The following GNAL variants were observed in gnomAD, a reference collection of about 807,000 sequenced individuals.
The protein encoded by GNAL is guanine nucleotide-binding protein G(olf) subunit alpha.
In GNAL, 18 loss-of-function variants were observed where a neutral mutation model predicts 55.1. The observed-to-expected ratio is 0.33, with a 90% confidence interval of 0.23 to 0.48. The LOEUF (loss-of-function observed/expected upper bound fraction) is 0.48. Among genes scored for constraint, GNAL ranks in the 20% least tolerant of loss-of-function variants. The pLI, the probability that GNAL is intolerant of heterozygous loss-of-function variation, is 0.99. For missense variants in GNAL, 412 were observed against 614.1 expected, an observed-to-expected ratio of 0.67 and a Z score of 3.48; for synonymous variants, 253 against 237.0, an observed-to-expected ratio of 1.07 and a Z score of -0.62.
intron 4 of GNAL, among the ~76,000 whole-genome samples, chr18:11,811,188 T>C (rs1192490258): frequency 1.3e-5 from 2 of 152,154 alleles, no homozygotes; most frequent in Non-Finnish European, 2.9e-5. Flanking sequence ...CAAAGGAGCC[T>C]CCTGGACCGT....
intron 1 of GNAL, among the ~76,000 whole-genome samples, chr18:11,714,472 A>C (rs1002258694): frequency 6.6e-6 from 1 of 152,198 alleles, no homozygotes; most frequent in Non-Finnish European, 1.5e-5. Context: ...AGGTATGTTA[A>C]TTATGCGTTT....
intron 4 of GNAL, among the ~76,000 whole-genome samples, chr18:11,758,297 A>T (rs750476570): frequency 6.6e-6 from 1 of 152,180 alleles, no homozygotes; most frequent in Non-Finnish European, 1.5e-5. Flanking sequence ...AAATTGTGAA[A>T]GCAAATTGGT....
intron 4 of GNAL, among the ~76,000 whole-genome samples, chr18:11,818,338 T>A (rs2035011205): frequency 6.6e-6 from 1 of 152,220 alleles, no homozygotes; most frequent in Non-Finnish European, 1.5e-5. Context: ...TACTAGCTCA[T>A]TCTGTTATCC....
intron 4 of GNAL, chr18:11,810,500 A>T (rs1442387562): frequency 6.6e-6 from 1 of 152,268 alleles, no homozygotes; most frequent in Admixed American, 6.5e-5. Flanking sequence ...AGGCCTGCAC[A>T]TTGCCTGGCA....
At chr18:11,755,954 A>G (rs754103253) in intron 4 of GNAL, among the ~76,000 whole-genome samples, 1 of 152,228 alleles carries the variant, frequency 6.6e-6, no homozygotes, top group Non-Finnish European at 1.5e-5. Flanking sequence ...AGATTTAGAC[A>G]TTTATAGAAA....
intron 4 of GNAL, among the ~76,000 whole-genome samples, chr18:11,822,294 C>T (rs999093160): frequency 6.6e-6 from 1 of 152,172 alleles, no homozygotes; most frequent in Non-Finnish European, 1.5e-5. Flanking sequence ...ACCGCCAAAT[C>T]TCAAAACAAA....
At chr18:11,863,588 C>T (rs888708361) in intron 6 of GNAL, among the ~76,000 whole-genome samples, 1 of 152,186 alleles carries the variant, frequency 6.6e-6, no homozygotes, top group Non-Finnish European at 1.5e-5. Flanking sequence ...GGACCACCTC[C>T]CATGTTCCAG....
intron 1 of GNAL, among the ~76,000 whole-genome samples, chr18:11,707,534 A>G (rs2031741673): frequency 6.6e-6 from 1 of 152,224 alleles, no homozygotes; most frequent in South Asian, 2.1e-4. Flanking sequence ...ATAGAGCACA[A>G]GCAAAGCAAA....
chr18:11,728,252 C>A, intron 1 of GNAL, among the ~76,000 whole-genome samples: 1 of 150,208 alleles, frequency 6.7e-6, no homozygotes, highest in East Asian at 2.0e-4. Flanking sequence ...ATACATAGCT[C>A]AAAATGGTAG....
In GNAL at chr18:11,752,192, C is replaced by T. The variant is rs754842768; in HGVS notation, c.377-661C>T. The T allele has an allele frequency of 8.8e-5, 50 of 569,612 alleles. No homozygotes were observed. Among genetic ancestry groups the T allele is most frequent in the Non-Finnish European group, 1.3e-4 (48 of 372,004 alleles). 35.3% of individuals were successfully genotyped at this position (569,612 alleles called of 1,614,324 possible). ...TCATCCAGCAGATTTTGAAACAATT[C>T]TCGTGTAAAAAGGCATTTTACTCCG... On this transcript the variant is annotated intron_variant, in intron 1 of 11. Coordinates refer to ENST00000334049, the MANE Select transcript of GNAL (RefSeq NM_182978.4). The surrounding 1 kb of genome is among the most constrained non-coding windows in gnomAD (Gnocchi z 4.5).
intron 4 of GNAL, among the ~76,000 whole-genome samples, chr18:11,776,725 A>G (rs1216287541): frequency 6.6e-6 from 1 of 151,670 alleles, no homozygotes; most frequent in Non-Finnish European, 1.5e-5. Flanking sequence ...AAAAAAAAAA[A>G]AAAAGAATTT....
At chr18:11,857,674 G>C (rs1280042809) in intron 5 of GNAL, 1 of 984,224 alleles carries the variant, frequency 1.0e-6, no homozygotes, top group African/African-American at 1.7e-5. Flanking sequence ...ACATGCTGAC[G>C]CAGTGGGTCT....
chr18:11,838,771 C>T (rs2035550659), intron 5 of GNAL, among the ~76,000 whole-genome samples: 1 of 152,048 alleles, frequency 6.6e-6, no homozygotes, highest in South Asian at 2.1e-4. Context: ...CTTACTTTGT[C>T]TTTTTAAAAA....
At chr18:11,824,894 AT>A (rs1296700134) in intron 4 of GNAL, 23 bp from the exon 5 acceptor site, 1 of 1,311,720 alleles carries the variant, frequency 7.6e-7, no homozygotes, top group African/African-American at 1.5e-5. Flanking sequence ...TTTTTTTTTA[AT>A]TTGTAACTCT....
chr18:11,741,497 A>G (rs1358108116), intron 1 of GNAL, among the ~76,000 whole-genome samples: 1 of 152,254 alleles, frequency 6.6e-6, no homozygotes, highest in African/African-American at 2.4e-5. Flanking sequence ...TCGTTACAGA[A>G]TTCAGAGAAC....
chr18:11,703,750 C>A (rs1452487946), intron 1 of GNAL, among the ~76,000 whole-genome samples: 1 of 150,538 alleles, frequency 6.6e-6, no homozygotes, highest in Non-Finnish European at 1.5e-5. Flanking sequence ...GGCTTGGGTA[C>A]AATAATGAGC....
intron 5 of GNAL, among the ~76,000 whole-genome samples, chr18:11,826,293 G>A (rs1414416593): frequency 2.5e-4 from 3 of 12,014 alleles, no homozygotes; most frequent in Non-Finnish European, 9.5e-4. Flanking sequence ...AGCGGGGAGG[G>A]GGAAGGAAGA....
intron 5 of GNAL, among the ~76,000 whole-genome samples, chr18:11,844,053 T>C (rs1456110827): frequency 3.3e-5 from 5 of 152,216 alleles, no homozygotes; most frequent in African/African-American, 1.2e-4. Context: ...TGGCCAAGAT[T>C]AGCCTTCCAT....
At position 11,752,600 on chromosome 18, in the gene GNAL, C is replaced by T. The variant is rs201329255; in HGVS notation, c.377-253C>T. 70 of 1,577,942 alleles carry T rather than the reference C, an allele frequency of 4.4e-5. No individual in the cohort carries two copies. The highest frequency in any genetic ancestry group is 5.7e-5 in the Non-Finnish European group (67 of 1,166,688). Reference sequence around the variant, plus strand: ...CTGGGTAAGGCCGAGGGGCGCGCGGCGGCTCCCGGCCCCAGCGGAGCGCAC... The same window carrying T: ...CTGGGTAAGGCCGAGGGGCGCGCGGTGGCTCCCGGCCCCAGCGGAGCGCAC... On this transcript the variant is annotated intron_variant, in intron 1 of 11. Coordinates refer to ENST00000334049, the MANE Select transcript of GNAL (RefSeq NM_182978.4). This position sits in a 1 kb window ranked among gnomAD's most constrained non-coding sequence, Gnocchi z 4.5.
Sources: gnomAD v4.1 joint callset for allele counts (sites outside exome capture counted in the v4.1 genomes callset) on GRCh38, gnomAD v4.1.1 for gene constraint, Gnocchi (gnomAD v3.1) non-coding constraint, MANE v1.5 for transcripts, NCBI Gene and HGNC (gene_info 2026-07-23, HGNC 2026-07-21) for gene names.